The following DENND1B variants were observed in gnomAD, a reference collection of about 807,000 sequenced individuals.
The protein encoded by DENND1B is DENN domain-containing protein 1B.
A neutral mutation model predicts 90.1 loss-of-function variants in DENND1B; 59 were observed. The ratio of observed to expected loss-of-function variants is 0.65; its 90% CI spans 0.53 to 0.81. The LOEUF is 0.81. Among genes scored for constraint, DENND1B ranks in the 40% least tolerant of loss-of-function variants. The pLI is 0.00. For synonymous variants in DENND1B, 337 were observed against 324.6 expected, an observed-to-expected ratio of 1.04 and a Z score of -0.41; for missense variants, 862 against 912.6, an observed-to-expected ratio of 0.94 and a Z score of 0.71.
chr1:197,706,125 G>A (rs754243010), intron 3 of DENND1B, among the ~76,000 whole-genome samples: 1 of 152,118 alleles, frequency 6.6e-6, no homozygotes, highest in Non-Finnish European at 1.5e-5. Flanking sequence ...TTTCATGTTT[G>A]CAAATGGTGA....
intron 18 of DENND1B, among the ~76,000 whole-genome samples, chr1:197,542,283 T>A (rs1558218720): frequency 6.6e-6 from 1 of 151,982 alleles, no homozygotes; most frequent in African/African-American, 2.4e-5. Context: ...ATGGCCCCTA[T>A]CAGCATAGAA....
chr1:197,706,766 C>G (rs1188776011), intron 3 of DENND1B, among the ~76,000 whole-genome samples: 1 of 151,996 alleles, frequency 6.6e-6, no homozygotes, highest in African/African-American at 2.4e-5. Context: ...ATCAAAGAGA[C>G]AAAAACTAAC....
intron 2 of DENND1B, among the ~76,000 whole-genome samples, chr1:197,738,347 C>G (rs1662907338): frequency 6.6e-6 from 1 of 152,202 alleles, no homozygotes; most frequent in Non-Finnish European, 1.5e-5. Context: ...AGAATGACAG[C>G]CAGGTCACAA....
rs546889990 is a variant in DENND1B at position 197,735,461 on chromosome 1, A to C, written c.83-20387T>G. On this transcript the variant is annotated intron_variant, in intron 2 of 22. Transcript: ENST00000620048. ...CTACTTCTCATGGGTTCTCGGGTAC[A>C]TTTCCTTTGTTAGAAGAAGTGATCT... The C allele has an allele frequency of 2.2e-5, 34 of 1,523,980 alleles. No individual in the cohort carries two copies. In the South Asian group the frequency reaches 3.9e-4, roughly 18 times the overall value. 94.4% of individuals were successfully genotyped at this position (1,523,980 alleles called of 1,614,324 possible).
At chr1:197,634,862 A>G (rs1045123230) in intron 10 of DENND1B, among the ~76,000 whole-genome samples, 2 of 152,146 alleles carry the variant, frequency 1.3e-5, no homozygotes, top group African/African-American at 2.4e-5. Flanking sequence ...ACAGAGGCAC[A>G]TGCCTGTAGT....
At chr1:197,552,161 C>T (rs1260752785) in intron 16 of DENND1B, 1 of 909,910 alleles carries the variant, frequency 1.1e-6, no homozygotes, top group Non-Finnish European at 1.3e-6. Flanking sequence ...TATTTATTTA[C>T]ATATAGACTG....
At chr1:197,776,544 G>A (rs148032518), upstream of DENND1B, among the ~76,000 whole-genome samples, 474 of 152,260 alleles carry the variant, frequency 3.1e-3, 4 homozygotes, top group African/African-American at 0.01. Context: ...CTTCCAAAAG[G>A]TGGTTACTTC....
At chr1:197,715,806 A>T (rs1290091275) in intron 2 of DENND1B, among the ~76,000 whole-genome samples, 1 of 151,884 alleles carries the variant, frequency 6.6e-6, no homozygotes, top group Non-Finnish European at 1.5e-5. Flanking sequence ...CTAAAATGCT[A>T]AGATCTTAGT....
chr1:197,555,732 G>A (rs2125692097), intron 15 of DENND1B, among the ~76,000 whole-genome samples: 1 of 152,114 alleles, frequency 6.6e-6, no homozygotes, highest in East Asian at 1.9e-4. Context: ...TGTGGAGAAA[G>A]GGAACACTTA....
At chr1:197,717,491 A>T (rs1202105212) in intron 2 of DENND1B, among the ~76,000 whole-genome samples, 1 of 151,950 alleles carries the variant, frequency 6.6e-6, no homozygotes, top group African/African-American at 2.4e-5. Context: ...AACATTCTAG[A>T]AACCAAATAA....
intron 10 of DENND1B, among the ~76,000 whole-genome samples, chr1:197,629,639 G>T (rs1558327710): frequency 6.6e-6 from 1 of 151,636 alleles, no homozygotes; most frequent in Non-Finnish European, 1.5e-5. Context: ...TAACTAAGCT[G>T]CACATTGTGC....
chr1:197,549,039 G>C (rs1223356546), intron 16 of DENND1B, among the ~76,000 whole-genome samples: 2 of 152,034 alleles, frequency 1.3e-5, no homozygotes, highest in African/African-American at 4.8e-5. Context: ...GAAAAAGGCT[G>C]TTATTCTAAA....
intron 5 of DENND1B, among the ~76,000 whole-genome samples, chr1:197,659,459 C>T (rs928045670): frequency 2.0e-5 from 3 of 151,800 alleles, no homozygotes; most frequent in East Asian, 3.9e-4. Context: ...ACAAATACTA[C>T]GTAATGATAT....
chr1:197,537,782 AAAG>A (rs1422704449), intron 20 of DENND1B, among the ~76,000 whole-genome samples: 4 of 152,062 alleles, frequency 2.6e-5, no homozygotes, highest in South Asian at 2.1e-4. Context: ...ATGTTAAAGG[AAAG>A]AAGACTTTAA....
intron 10 of DENND1B, among the ~76,000 whole-genome samples, chr1:197,634,552 T>A (rs1426918667): frequency 3.9e-5 from 6 of 152,130 alleles, no homozygotes; most frequent in African/African-American, 1.4e-4. Context: ...GCAATACAAA[T>A]CCATGAATCT....
Position 197,510,929 on chromosome 1 carries a change from C to T in DENND1B, c.1859G>A (p.Cys620Tyr), listed in dbSNP as rs769974808. Residue 620 changes from cysteine (C) to tyrosine (Y), a missense_variant, in exon 23 of 23, where the codon TGT becomes TAT. Cys to Tyr is a radical substitution (Grantham distance 194). Coordinates refer to ENST00000620048, the MANE Select transcript of DENND1B (RefSeq NM_001195215.2). ...APSENNLAFL[C>Y]GGSGDQAEWN... ...CTCTGCTTGGTCACCAGAACCACCA[C>T]AGAGGAAAGCCAGGTTATTCTCACT... is the stretch of plus-strand genomic sequence containing the variant. The T allele has an allele frequency of 1.3e-6, 2 of 1,564,416 alleles. No individual in the cohort carries two copies. Among genetic ancestry groups the T allele is most frequent in the East Asian group, 2.2e-5 (1 of 44,502 alleles).
chr1:197,516,438 A>C (rs905790533), intron 20 of DENND1B, among the ~76,000 whole-genome samples: 1 of 151,866 alleles, frequency 6.6e-6, no homozygotes, highest in African/African-American at 2.4e-5. Flanking sequence ...GAAAAAATTA[A>C]GGAGAAAGAT....
intron 2 of DENND1B, among the ~76,000 whole-genome samples, chr1:197,742,711 T>C (rs977506828): frequency 6.6e-6 from 1 of 152,208 alleles, no homozygotes; most frequent in African/African-American, 2.4e-5. Flanking sequence ...AACTACAGTC[T>C]TTCTGAGCAG....
At chr1:197,747,643 A>G (rs1028989513) in intron 2 of DENND1B, among the ~76,000 whole-genome samples, 2 of 152,374 alleles carry the variant, frequency 1.3e-5, no homozygotes, top group Non-Finnish European at 2.9e-5. Flanking sequence ...AAAAAATGCA[A>G]TACCTAAAAA....
Sources: allele counts gnomAD v4.1 joint callset (sites outside exome capture counted in the v4.1 genomes callset), GRCh38; gene constraint gnomAD v4.1.1; transcripts MANE v1.5; gene names NCBI Gene and HGNC (gene_info 2026-07-23, HGNC 2026-07-21).